Variants in TSNARE1 observed in about 807,000 individuals in gnomAD.
TSNARE1 encodes t-SNARE domain-containing protein 1.
A neutral mutation model predicts 62.0 loss-of-function variants in TSNARE1; 49 were observed. The ratio of observed to expected loss-of-function variants is 0.79; its 90% confidence interval spans 0.63 to 1.00. TSNARE1 has a LOEUF of 1.00. Among genes scored for constraint, TSNARE1 ranks in the 50% least tolerant of loss-of-function variants. The pLI is 0.00. For missense variants in TSNARE1, 755 were observed against 700.1 expected, an observed-to-expected ratio of 1.08 and a Z score of -0.88; for synonymous variants, 328 against 294.4, an observed-to-expected ratio of 1.11 and a Z score of -1.17.
intron 11 of TSNARE1, chr8:142,280,184 A>G (rs1231192219): frequency 2.0e-6 from 2 of 985,190 alleles, no homozygotes; most frequent in Non-Finnish European, 1.2e-6. Flanking sequence ...TGGGGGCTGA[A>G]GTTGGGCTTG....
intron 6 of TSNARE1, among the ~76,000 whole-genome samples, chr8:142,329,909 G>A (rs932357890): frequency 1.3e-5 from 2 of 152,260 alleles, no homozygotes; most frequent in Non-Finnish European, 2.9e-5. Flanking sequence ...GGTGCGTGAG[G>A]CTGTGTGGCA....
At chr8:142,241,095 C>T (rs1042049156) in intron 12 of TSNARE1, among the ~76,000 whole-genome samples, 2 of 152,190 alleles carry the variant, frequency 1.3e-5, no homozygotes, top group African/African-American at 2.4e-5. Context: ...TGTTTGCAGA[C>T]GACATGGTCT....
intron 13 of TSNARE1, among the ~76,000 whole-genome samples, chr8:142,224,125 T>C (rs1816667265): frequency 1.3e-5 from 2 of 152,298 alleles, no homozygotes; most frequent in South Asian, 4.1e-4. Context: ...AGATCCTTCA[T>C]CTACAGCAAG....
intron 10 of TSNARE1, among the ~76,000 whole-genome samples, chr8:142,294,177 G>A (rs550758049): frequency 1.7e-3 from 257 of 152,170 alleles, no homozygotes; most frequent in African/African-American, 5.8e-3. Context: ...GGTGGAGGGC[G>A]GTGTGAGGAA....
intron 4 of TSNARE1, among the ~76,000 whole-genome samples, chr8:142,338,034 C>T (rs1439713426): frequency 1.3e-5 from 2 of 152,214 alleles, no homozygotes; most frequent in African/African-American, 4.8e-5. Context: ...ATTCATTTCC[C>T]AGATTCCATC....
chr8:142,231,549 T>G (rs1436104058), intron 12 of TSNARE1, among the ~76,000 whole-genome samples: 1 of 152,204 alleles, frequency 6.6e-6, no homozygotes, highest in Non-Finnish European at 1.5e-5. Flanking sequence ...CAAGGCGCAC[T>G]GAATTAAGGA....
At chr8:142,350,671 T>G (rs11996196) in intron 2 of TSNARE1, among the ~76,000 whole-genome samples, 1 of 152,110 alleles carries the variant, frequency 6.6e-6, no homozygotes, top group Non-Finnish European at 1.5e-5. Context: ...ACTGTCATTA[T>G]GCACAAACAC....
rs540162133 is a variant in TSNARE1 at position 142,298,960 on chromosome 8, G to T, written c.1290+1526C>A. On this transcript the variant is annotated intron_variant, in intron 10 of 13. Transcript: ENST00000524325. ...GGAAACCATCTCTGTGCTTCGGGTG[G>T]TTCTCTGGAGCATCTCAGCAGCAGC... is the stretch of plus-strand genomic sequence containing the variant. 2.0e-5 allele frequency among the ~76,000 whole-genome samples: 3 copies of T among 152,336 alleles called. No individual in the cohort carries two copies. The South Asian group carries it at 6.2e-4, about 32-fold the overall frequency.
At chr8:142,217,619 G>A (rs1298210917) in intron 13 of TSNARE1, among the ~76,000 whole-genome samples, 6 of 122,570 alleles carry the variant, frequency 4.9e-5, no homozygotes, top group Admixed American at 7.7e-5. Flanking sequence ...TTTTGCTCCA[G>A]GGAAACAGTG....
intron 6 of TSNARE1, among the ~76,000 whole-genome samples, chr8:142,325,224 G>A (rs13278585): frequency 6.6e-6 from 1 of 152,030 alleles, no homozygotes; most frequent in Non-Finnish European, 1.5e-5. Context: ...ACTGGAGGGG[G>A]TGGTGTGGCC....
intron 1 of TSNARE1, among the ~76,000 whole-genome samples, chr8:142,397,746 G>A (rs1837997786): frequency 6.6e-6 from 1 of 152,128 alleles, no homozygotes; most frequent in South Asian, 2.1e-4. Flanking sequence ...GGGTTGCCAG[G>A]ACAATGAGCA....
chr8:142,216,456 G>A (rs73716161), intron 13 of TSNARE1, among the ~76,000 whole-genome samples: 23,795 of 152,166 alleles, frequency 0.16, 3,141 homozygotes, highest in African/African-American at 0.36. Flanking sequence ...ACACGCTCGG[G>A]GGCCCAAGAG....
In TSNARE1 at chr8:142,361,344, C is replaced by T. The variant is rs562287326; in HGVS notation, c.-39-6581G>A. ...ATTGGATGTGCCGGGTCAGTGAGGG[C>T]ACCAGAGGCCCCGACAACTTGGGCT... On this transcript the variant is annotated intron_variant, in intron 1 of 13. Coordinates refer to ENST00000524325, the MANE Select transcript of TSNARE1 (RefSeq NM_145003.5). Among the ~76,000 whole-genome samples the T allele has an allele frequency of 2.7e-3, 414 of 152,350 alleles. 4 individuals carry two copies. Among genetic ancestry groups the T allele is most frequent in the African/African-American group, 9.3e-3 (388 of 41,586 alleles).
At chr8:142,406,668 C>G (rs1838588091), upstream of TSNARE1, 1 of 152,300 alleles carries the variant, frequency 6.6e-6, no homozygotes, top group Non-Finnish European at 1.5e-5. Context: ...CACACCTTCT[C>G]TAGGCTTGTT....
intron 12 of TSNARE1, among the ~76,000 whole-genome samples, chr8:142,252,706 C>T (rs1299196732): frequency 6.6e-6 from 1 of 152,216 alleles, no homozygotes; most frequent in African/African-American, 2.4e-5. Flanking sequence ...CTGCGAGGGC[C>T]GTTGTTTACT....
chr8:142,331,027 A>G, intron 5 of TSNARE1, 57 bp from the exon 6 acceptor site: 2 of 1,524,254 alleles, frequency 1.3e-6, no homozygotes, highest in South Asian at 1.1e-5. Flanking sequence ...GCCCCCTGCT[A>G]CTCCATATGG....
At chr8:142,301,654 G>C (rs552232188) in intron 9 of TSNARE1, among the ~76,000 whole-genome samples, 30 of 152,342 alleles carry the variant, frequency 2.0e-4, no homozygotes, top group Non-Finnish European at 3.5e-4. Context: ...GTGTGACCAT[G>C]TGACATTGTG....
At chr8:142,313,615 G>C (rs1179761223) in intron 9 of TSNARE1, among the ~76,000 whole-genome samples, 1 of 151,906 alleles carries the variant, frequency 6.6e-6, no homozygotes, top group East Asian at 1.9e-4. Context: ...TTATCTGTAT[G>C]TCTCTGTGTA....
chr8:142,212,774 C>T (rs1815618334), intron 13 of TSNARE1, among the ~76,000 whole-genome samples: 1 of 136,346 alleles, frequency 7.3e-6, no homozygotes, highest in Admixed American at 7.2e-5. Context: ...CCTGGCCCCT[C>T]CCTCTCCCCT....
Sources: gnomAD v4.1 joint callset for allele counts (sites outside exome capture counted in the v4.1 genomes callset) on GRCh38, gnomAD v4.1.1 for gene constraint, MANE v1.5 for transcripts, NCBI Gene and HGNC (gene_info 2026-07-23, HGNC 2026-07-21) for gene names.